The following ADCY9 variants were observed in gnomAD, a reference collection of about 807,000 sequenced individuals.
ADCY9 encodes the protein adenylate cyclase type 9.
A neutral mutation model predicts 101.5 loss-of-function variants in ADCY9; 50 were observed. The observed-to-expected ratio is 0.49, with a 90% CI of 0.39 to 0.62. ADCY9 has a LOEUF of 0.62. Among genes scored for constraint, ADCY9 ranks in the 20% least tolerant of loss-of-function variants. ADCY9 has a pLI of 0.00. For missense variants in ADCY9, 1,662 were observed against 1,800.4 expected (o/e 0.92, Z 1.39); for synonymous variants, 905 against 769.3 (o/e 1.18, Z -2.92).
chr16:4,038,978 C>A (rs985275035), intron 2 of ADCY9, among the ~76,000 whole-genome samples: 4 of 152,106 alleles, frequency 2.6e-5, no homozygotes, highest in Non-Finnish European at 4.4e-5. Context: ...TAATGCTTGC[C>A]CTTTTATAAA....
chr16:3,959,459 AC>A (rs2055926528), downstream of ADCY9, among the ~76,000 whole-genome samples: 1 of 152,070 alleles, frequency 6.6e-6, no homozygotes, highest in Non-Finnish European at 1.5e-5. Context: ...AGCCACTGGG[AC>A]AAGCACAGCT....
downstream of ADCY9, among the ~76,000 whole-genome samples, chr16:3,958,009 G>T (rs571038396): frequency 1.3e-5 from 2 of 152,278 alleles, no homozygotes; most frequent in Admixed American, 6.5e-5. Flanking sequence ...AGCAGCTCTC[G>T]GGAGGGCAGC....
chr16:4,003,915 A>G (rs1212119797), intron 3 of ADCY9, among the ~76,000 whole-genome samples: 1 of 151,578 alleles, frequency 6.6e-6, no homozygotes, highest in Non-Finnish European at 1.5e-5. Flanking sequence ...CCCCCACATT[A>G]TGCAATGTCA....
intron 2 of ADCY9, among the ~76,000 whole-genome samples, chr16:4,092,706 G>A (rs1003477598): frequency 9.9e-5 from 15 of 152,172 alleles, no homozygotes; most frequent in Non-Finnish European, 1.5e-4. Context: ...CATCCTGAAC[G>A]CCTGTACCTA....
rs766569464 is a variant in ADCY9 at position 4,114,341 on chromosome 16, T to C, written c.1102A>G (p.Asn368Asp). The change falls in exon 2 of 11, where the codon AAC becomes GAC. Residue 368 changes from asparagine to aspartate, a missense_variant. Physicochemically the swap from Asn to Asp is conservative, Grantham distance 23. Around this residue, in one of 5 missense-constraint regions of ADCY9, gnomAD observed 228 missense variants for 301.1 expected, o/e 0.76. Transcript: ENST00000294016. The surrounding 1 kb of genome is among the most constrained non-coding windows in gnomAD (Gnocchi z 4.3). The part of the protein sequence containing the change: ...VKRHATSSPK[N>D]RKKKSSIQKA... ...TGGATGGAAGACTTTTTCTTCCTGT[T>C]CTTGGGGCTCGAGGTGGCATGCCTC... 6.2e-7 allele frequency: 1 copy of C among 1,614,002 alleles called. No homozygotes were observed. Among genetic ancestry groups the C allele is most frequent in the East Asian group, 2.2e-5 (1 of 44,886 alleles).
At chr16:3,984,486 A>T (rs190327369) in intron 6 of ADCY9, among the ~76,000 whole-genome samples, 1 of 152,212 alleles carries the variant, frequency 6.6e-6, no homozygotes, top group East Asian at 1.9e-4. Flanking sequence ...GGGAGGTGCG[A>T]TCTCCATTGA....
intron 7 of ADCY9, chr16:3,982,969 G>A (rs573982812): frequency 3.8e-6 from 2 of 531,606 alleles, no homozygotes; most frequent in Non-Finnish European, 6.7e-6. Context: ...TCTGAACCTG[G>A]AAATCTGGGG....
At position 4,069,172 on chromosome 16, in the gene ADCY9, T is replaced by C. The variant is rs75399590; in HGVS notation, c.1693+44578A>G. On this transcript the variant is annotated intron_variant, in intron 2 of 10. Coordinates refer to ENST00000294016, the MANE Select transcript of ADCY9 (RefSeq NM_001116.4). ...AGTGTTTCAGAGGGCCTGCGTTCCC[T>C]TTCCTCTCACCACCAACAACTAGAA... 7.1e-3 allele frequency among the ~76,000 whole-genome samples: 1,085 copies of C among 152,302 alleles called. 72 individuals carry two copies. The East Asian group carries it at 0.15, about 22-fold the overall frequency.
At chr16:4,046,691 C>T (rs1057179325) in intron 2 of ADCY9, among the ~76,000 whole-genome samples, 2 of 152,154 alleles carry the variant, frequency 1.3e-5, no homozygotes, top group African/African-American at 4.8e-5. Flanking sequence ...TACTAGTTCA[C>T]GCAGATCATC....
chr16:4,110,930 C>T (rs1464424627), intron 2 of ADCY9, among the ~76,000 whole-genome samples: 2 of 152,200 alleles, frequency 1.3e-5, no homozygotes, highest in African/African-American at 2.4e-5. Flanking sequence ...ATCTGAACCC[C>T]GCCTCTGGAG....
intron 2 of ADCY9, among the ~76,000 whole-genome samples, chr16:4,056,646 G>A (rs974941820): frequency 4.6e-5 from 7 of 152,174 alleles, no homozygotes; most frequent in African/African-American, 1.7e-4. Context: ...CTGGTCTCCT[G>A]GGAACACTGG....
At chr16:4,056,795 T>C (rs1290701267) in intron 2 of ADCY9, among the ~76,000 whole-genome samples, 1 of 152,182 alleles carries the variant, frequency 6.6e-6, no homozygotes, top group African/African-American at 2.4e-5. Flanking sequence ...GGCATGACGA[T>C]GGAGGTGCAG....
intron 3 of ADCY9, among the ~76,000 whole-genome samples, chr16:4,003,761 T>C (rs964116628): frequency 6.6e-6 from 1 of 152,042 alleles, no homozygotes; most frequent in Non-Finnish European, 1.5e-5. Flanking sequence ...AGCCAAGGCT[T>C]GAGAAGGGTC....
At chr16:4,080,506 G>A (rs1458461907) in intron 2 of ADCY9, among the ~76,000 whole-genome samples, 1 of 151,962 alleles carries the variant, frequency 6.6e-6, no homozygotes, top group Admixed American at 6.6e-5. Context: ...TGATCCTCCC[G>A]CCTCAACCTC....
intron 2 of ADCY9, among the ~76,000 whole-genome samples, chr16:4,039,929 C>T (rs1031539694): frequency 2.0e-5 from 3 of 152,090 alleles, no homozygotes; most frequent in African/African-American, 7.2e-5. Context: ...GTCCCAGCTA[C>T]TTGGGAGGCT....
chr16:4,003,155 G>A (rs1428855243), intron 3 of ADCY9, among the ~76,000 whole-genome samples: 1 of 152,134 alleles, frequency 6.6e-6, no homozygotes, highest in African/African-American at 2.4e-5. Flanking sequence ...CATTCAACAG[G>A]CCAAGGCACA....
At chr16:4,092,279 A>G (rs1657073726) in intron 2 of ADCY9, among the ~76,000 whole-genome samples, 1 of 152,162 alleles carries the variant, frequency 6.6e-6, no homozygotes, top group African/African-American at 2.4e-5. Flanking sequence ...CAAAAAACAA[A>G]CAAACAAAAG....
intron 2 of ADCY9, among the ~76,000 whole-genome samples, chr16:4,010,067 G>A (rs1157455536): frequency 1.3e-5 from 2 of 152,186 alleles, no homozygotes; most frequent in East Asian, 1.9e-4. Flanking sequence ...GAAAAGTTGC[G>A]GCTGAAGGAT....
Position 4,115,475 on chromosome 16 carries a change from G to C in ADCY9, c.-33C>G. On this transcript the variant is annotated 5_prime_UTR_variant, in exon 2 of 11. Transcript: ENST00000294016. This position sits in a 1 kb window ranked among gnomAD's most constrained non-coding sequence, Gnocchi z 6.2. ...AGTCCCGGGGCCTGCCCCGGCCGGG[G>C]TCACCAGTACCTGCCAGCAAAACGG... The C allele has an allele frequency of 6.7e-7, 1 of 1,500,772 alleles. No homozygotes were observed. Among genetic ancestry groups the C allele is most frequent in the Non-Finnish European group, 8.9e-7 (1 of 1,124,632 alleles). 93.0% of individuals were successfully genotyped at this position (1,500,772 alleles called of 1,614,324 possible).
Sources: gnomAD v4.1 joint callset for allele counts (sites outside exome capture counted in the v4.1 genomes callset) on GRCh38, gnomAD v4.1.1 for gene constraint, gnomAD v4.1.1 regional missense constraint, Gnocchi (gnomAD v3.1) non-coding constraint, MANE v1.5 for transcripts, NCBI Gene and HGNC (gene_info 2026-07-23, HGNC 2026-07-21) for gene names.